The following USP32 variants were observed in gnomAD, a reference collection of about 807,000 sequenced individuals.
The protein encoded by USP32 is ubiquitin specific peptidase 32.
In USP32, 59 loss-of-function variants were observed where a neutral mutation model predicts 204.8. The ratio of observed to expected loss-of-function variants is 0.29; its 90% CI spans 0.23 to 0.36. The LOEUF (loss-of-function observed/expected upper bound fraction) is 0.36. Ranked by LOEUF, USP32 falls within the 10% of genes least tolerant of loss-of-function variation. USP32 has a pLI of 1.00. For synonymous variants in USP32, 517 were observed against 678.4 expected, an observed-to-expected ratio of 0.76 and a Z score of 3.70; for missense variants, 1,160 against 1,946.4, an observed-to-expected ratio of 0.60 and a Z score of 7.60.
At chr17:60,241,840 G>C (rs919384819) in intron 11 of USP32, among the ~76,000 whole-genome samples, 1 of 151,954 alleles carries the variant, frequency 6.6e-6, no homozygotes, top group Admixed American at 6.6e-5. Flanking sequence ...TTTTCTTAAT[G>C]CTCTCTCTTG....
intron 1 of USP32, among the ~76,000 whole-genome samples, 195 bp from the exon 2 acceptor site, chr17:60,345,803 G>A (rs1368122269): frequency 4.6e-5 from 7 of 151,966 alleles, no homozygotes; most frequent in African/African-American, 1.5e-4. Context: ...ACAATGTGGC[G>A]AAACCCCATC....
intron 1 of USP32, among the ~76,000 whole-genome samples, chr17:60,355,126 T>C (rs1346527524): frequency 6.6e-6 from 1 of 152,186 alleles, no homozygotes; most frequent in Non-Finnish European, 1.5e-5. Flanking sequence ...AGTGCTGATA[T>C]ATGCAACAAC....
chr17:60,420,887 T>C (rs1055610713), intron 1 of USP32, among the ~76,000 whole-genome samples: 1 of 152,192 alleles, frequency 6.6e-6, no homozygotes, highest in African/African-American at 2.4e-5. Context: ...TGTCAATAGA[T>C]ATATAGTGAC....
At chr17:60,333,456 C>T (rs1401495708) in intron 2 of USP32, among the ~76,000 whole-genome samples, 4 of 151,966 alleles carry the variant, frequency 2.6e-5, no homozygotes, top group African/African-American at 4.8e-5. Flanking sequence ...AAAAATTAGC[C>T]GGGCATGGTG....
intron 30 of USP32, 89 bp from the exon 31 acceptor site, chr17:60,183,542 T>C (rs2084169641): frequency 1.4e-6 from 2 of 1,457,216 alleles, no homozygotes; most frequent in South Asian, 1.4e-5. Context: ...TACATGTGAA[T>C]GTTTGGGAAT....
intron 1 of USP32, among the ~76,000 whole-genome samples, chr17:60,383,236 A>C (rs79128132): frequency 6.3e-5 from 6 of 95,004 alleles, no homozygotes; most frequent in Admixed American, 2.0e-4. Flanking sequence ...ACATCGTCCC[A>C]AAAAAAAAAA....
chr17:60,360,990 G>A (rs1384814050), intron 1 of USP32, among the ~76,000 whole-genome samples: 7 of 152,068 alleles, frequency 4.6e-5, no homozygotes, highest in Non-Finnish European at 1.0e-4. Context: ...TTAGCCAGGT[G>A]TGGTGGCACA....
chr17:60,363,384 G>A (rs1009800421), intron 1 of USP32, among the ~76,000 whole-genome samples: 3 of 150,618 alleles, frequency 2.0e-5, no homozygotes, highest in African/African-American at 4.9e-5. Context: ...GAACCCGGGA[G>A]GTGGAGGTTG....
Position 60,297,401 on chromosome 17 carries a change from A to G in USP32, c.293-2600T>C, listed in dbSNP as rs184871343. 4.2e-4 allele frequency among the ~76,000 whole-genome samples: 64 copies of G among 152,004 alleles called. No individual in the cohort carries two copies. The East Asian group carries it at 5.6e-3, about 13-fold the overall frequency. ...ACAGAATAAAACCCTGTCTCAATCA[A>G]TCAATCAATAAACTATGTTCTAACT... On this transcript the variant is annotated intron_variant, in intron 3 of 33. Transcript: ENST00000300896.
chr17:60,253,111 A>G (rs1248429595), intron 10 of USP32, among the ~76,000 whole-genome samples: 1 of 151,830 alleles, frequency 6.6e-6, no homozygotes, highest in African/African-American at 2.4e-5. Flanking sequence ...TTTATTCATT[A>G]TCACAAAAAT....
intron 1 of USP32, among the ~76,000 whole-genome samples, chr17:60,386,937 C>T (rs193179129): frequency 2.6e-3 from 401 of 152,314 alleles, no homozygotes; most frequent in Non-Finnish European, 4.5e-3. Context: ...AAGCAGACTA[C>T]TTAAAAACTG....
chr17:60,236,757 C>T (rs535327802), intron 11 of USP32, among the ~76,000 whole-genome samples: 1 of 152,292 alleles, frequency 6.6e-6, no homozygotes, highest in African/African-American at 2.4e-5. Context: ...CCTATTACCA[C>T]CCTCAGCAAC....
intron 1 of USP32, among the ~76,000 whole-genome samples, chr17:60,415,185 G>C (rs2090050574): frequency 6.6e-6 from 1 of 152,204 alleles, no homozygotes; most frequent in Admixed American, 6.5e-5. Flanking sequence ...ATTAGCACAA[G>C]AGGAGATTCC....
intron 5 of USP32, among the ~76,000 whole-genome samples, chr17:60,273,368 T>C (rs2086767440): frequency 6.6e-6 from 1 of 152,136 alleles, no homozygotes; most frequent in Non-Finnish European, 1.5e-5. Flanking sequence ...TGGAAACACA[T>C]TGTTGGACAT....
intron 11 of USP32, among the ~76,000 whole-genome samples, chr17:60,245,089 T>C (rs981728130): frequency 4.6e-5 from 7 of 152,268 alleles, no homozygotes; most frequent in African/African-American, 1.4e-4. Flanking sequence ...GATCGTTATA[T>C]GTAATGGGAA....
At chr17:60,355,825 T>C (rs1200713260) in intron 1 of USP32, among the ~76,000 whole-genome samples, 1 of 101,718 alleles carries the variant, frequency 9.8e-6, no homozygotes, top group Non-Finnish European at 1.8e-5. Flanking sequence ...GACAGCTCAC[T>C]CTCTCAAAAA....
rs36086072 is a variant in USP32 at position 60,419,810 on chromosome 17, T to TA, written c.106+2435dup. 9.0e-3 allele frequency among the ~76,000 whole-genome samples: 1,191 copies of TA among 133,020 alleles called. 23 individuals are homozygous for TA. Among genetic ancestry groups the TA allele is most frequent in the African/African-American group, 0.032 (1,089 of 33,646 alleles). The allele number at this position is 133,020 out of a possible 152,430, so 87.3% of individuals were successfully genotyped here. A position where few individuals can be genotyped will look rare whatever the true frequency, so the allele number is the denominator to read the frequency against. ...ATATAACAAACCTGCAACTCAAGGT[T>TA]AAAAAAAATTATTATTATTATTATT... On this transcript the variant is annotated intron_variant, in intron 1 of 3. Transcript: ENST00000588898.
intron 1 of USP32, among the ~76,000 whole-genome samples, chr17:60,386,279 T>C (rs2089729041): frequency 6.6e-6 from 1 of 151,842 alleles, no homozygotes; most frequent in Non-Finnish European, 1.5e-5. Flanking sequence ...AAGCCATGCT[T>C]CCCGGATACA....
chr17:60,252,243 T>C, intron 11 of USP32, 138 bp downstream of exon 11: 1 of 720,816 alleles, frequency 1.4e-6, no homozygotes, highest in South Asian at 2.1e-5. Context: ...GAAGGTACTT[T>C]AACAAAAATA....
Sources: gnomAD v4.1 joint callset for allele counts (sites outside exome capture counted in the v4.1 genomes callset) on GRCh38, gnomAD v4.1.1 for gene constraint, MANE v1.5 for transcripts, NCBI Gene and HGNC (gene_info 2026-07-23, HGNC 2026-07-21) for gene names.